The following KCNIP4 variants were observed in gnomAD, a reference collection of about 807,000 sequenced individuals.
The protein encoded by KCNIP4 is Kv channel-interacting protein 4.
Under a neutral mutation model 34.0 loss-of-function variants are expected in KCNIP4, and 12 were observed. The observed-to-expected ratio is 0.35, with a 90% confidence interval of 0.23 to 0.57. The LOEUF is 0.57. Among genes scored for constraint, KCNIP4 ranks in the 20% least tolerant of loss-of-function variants. KCNIP4 has a pLI of 0.83. For missense variants in KCNIP4, 238 were observed against 311.7 expected (o/e 0.76, Z 1.78); for synonymous variants, 124 against 102.2 (o/e 1.21, Z -1.29).
intron 1 of KCNIP4, among the ~76,000 whole-genome samples, chr4:21,737,912 G>A (rs10002190): frequency 0.09 from 13,609 of 151,262 alleles, 2,064 homozygotes; most frequent in African/African-American, 0.31. Flanking sequence ...GTGAAACCCT[G>A]TCTCTACTAA....
chr4:21,005,422 C>G (rs1377939961), intron 1 of KCNIP4, among the ~76,000 whole-genome samples: 3 of 152,198 alleles, frequency 2.0e-5, no homozygotes, highest in Non-Finnish European at 4.4e-5. Context: ...CTTTTTCCCA[C>G]TTATTGAAGT....
At chr4:21,377,841 C>A (rs181966461) in intron 1 of KCNIP4, among the ~76,000 whole-genome samples, 3 of 152,292 alleles carry the variant, frequency 2.0e-5, no homozygotes, top group South Asian at 4.1e-4. Flanking sequence ...TTTCTGTAAA[C>A]CAAACTTCTC....
intron 1 of KCNIP4, among the ~76,000 whole-genome samples, chr4:21,224,768 G>A (rs1327050003): frequency 5.9e-5 from 9 of 151,382 alleles, no homozygotes; most frequent in Non-Finnish European, 1.2e-4. Flanking sequence ...TGTATTTTTA[G>A]TAGAGACGGG....
intron 1 of KCNIP4, among the ~76,000 whole-genome samples, chr4:21,841,630 A>G (rs1288234324): frequency 6.6e-6 from 1 of 152,160 alleles, no homozygotes; most frequent in African/African-American, 2.4e-5. Flanking sequence ...CTGTTCTCCT[A>G]AAAGAATTCC....
intron 1 of KCNIP4, among the ~76,000 whole-genome samples, chr4:21,240,420 CAGG>C (rs1313110685): frequency 6.6e-5 from 10 of 152,112 alleles, no homozygotes; most frequent in Admixed American, 2.6e-4. Flanking sequence ...CTGTAGAAGA[CAGG>C]AGGATTCCTG....
intron 1 of KCNIP4, among the ~76,000 whole-genome samples, chr4:21,919,912 T>C (rs1728844205): frequency 6.6e-6 from 1 of 152,158 alleles, no homozygotes; most frequent in South Asian, 2.1e-4. Context: ...ATCAACCTTA[T>C]AATTGATGTC....
chr4:21,214,522 T>C (rs1467889621), intron 1 of KCNIP4, among the ~76,000 whole-genome samples: 2 of 152,222 alleles, frequency 1.3e-5, no homozygotes, highest in African/African-American at 4.8e-5. Context: ...ATGTTGGTGA[T>C]ATGTTTCCAC....
At chr4:21,032,158 G>A (rs889495719) in intron 1 of KCNIP4, among the ~76,000 whole-genome samples, 17 of 151,978 alleles carry the variant, frequency 1.1e-4, no homozygotes, top group Admixed American at 3.9e-4. Context: ...TAAAGATATC[G>A]CTCACTCACA....
intron 1 of KCNIP4, among the ~76,000 whole-genome samples, chr4:21,820,284 TGTATA>T (rs1722264297): frequency 8.9e-4 from 2 of 2,246 alleles, no homozygotes; most frequent in African/African-American, 1.6e-3. Context: ...TGTGTGTGTG[TGTATA>T]TATATATATA....
intron 1 of KCNIP4, among the ~76,000 whole-genome samples, chr4:20,918,470 T>C (rs1729058533): frequency 6.6e-6 from 1 of 152,202 alleles, no homozygotes; most frequent in Non-Finnish European, 1.5e-5. Context: ...TTTTCTCTTT[T>C]AATACTTTTA....
intron 4 of KCNIP4, among the ~76,000 whole-genome samples, chr4:20,750,660 G>A (rs1156961323): frequency 1.3e-5 from 2 of 151,416 alleles, no homozygotes; most frequent in Non-Finnish European, 2.9e-5. Context: ...TTTCCTTATT[G>A]TTTTCTGTTC....
chr4:20,780,660 T>A (rs1756794200), intron 3 of KCNIP4, among the ~76,000 whole-genome samples: 1 of 152,122 alleles, frequency 6.6e-6, no homozygotes, highest in Admixed American at 6.5e-5. Flanking sequence ...CAGGAACAGT[T>A]CTCCATCCCC....
chr4:21,040,343 G>T (rs1001390174), intron 1 of KCNIP4, among the ~76,000 whole-genome samples: 1 of 152,102 alleles, frequency 6.6e-6, no homozygotes. Context: ...ATGAGAGACA[G>T]ACTATTTACT....
intron 1 of KCNIP4, among the ~76,000 whole-genome samples, chr4:21,775,174 C>A (rs193284756): frequency 2.0e-5 from 3 of 152,128 alleles, no homozygotes; most frequent in East Asian, 1.9e-4. Flanking sequence ...GCTGCTGTTG[C>A]CACTTTCTGC....
chr4:21,712,975 C>T (rs929254376), intron 1 of KCNIP4, among the ~76,000 whole-genome samples: 13 of 152,184 alleles, frequency 8.5e-5, no homozygotes, highest in Non-Finnish European at 1.8e-4. Context: ...TTCTTTCCTT[C>T]CCCATTTCTT....
intron 1 of KCNIP4, among the ~76,000 whole-genome samples, chr4:21,751,167 A>C (rs1242470821): frequency 6.6e-6 from 1 of 152,154 alleles, no homozygotes; most frequent in Non-Finnish European, 1.5e-5. Flanking sequence ...TTCTCAAACA[A>C]ATCAATGACT....
intron 1 of KCNIP4, among the ~76,000 whole-genome samples, chr4:21,320,270 G>A (rs1372624154): frequency 6.6e-6 from 1 of 152,168 alleles, no homozygotes; most frequent in African/African-American, 2.4e-5. Context: ...ACATTTTGAT[G>A]GCACAATGAG....
intron 1 of KCNIP4, among the ~76,000 whole-genome samples, chr4:20,917,319 G>C (rs371800218): frequency 5.2e-4 from 78 of 151,184 alleles, no homozygotes; most frequent in African/African-American, 1.7e-3. Flanking sequence ...TGAACCACCC[G>C]CCCCGGCCAT....
chr4:21,062,358 C>T (rs1385676743), intron 1 of KCNIP4, among the ~76,000 whole-genome samples: 1 of 152,014 alleles, frequency 6.6e-6, no homozygotes, highest in Non-Finnish European at 1.5e-5. Flanking sequence ...TGCTGAAGTC[C>T]TAGCCTCTAG....
Sources: allele counts gnomAD v4.1 joint callset (sites outside exome capture counted in the v4.1 genomes callset), GRCh38; gene constraint gnomAD v4.1.1; transcripts MANE v1.5; gene names NCBI Gene and HGNC (gene_info 2026-07-23, HGNC 2026-07-21).